PDE4D: variants seen among roughly 807,000 people sequenced by gnomAD.
The protein encoded by PDE4D is phosphodiesterase 4D.
In PDE4D, 24 loss-of-function variants were observed where a neutral mutation model predicts 87.4. The observed-to-expected ratio is 0.27, with a 90% CI of 0.20 to 0.39. The LOEUF (loss-of-function observed/expected upper bound fraction) is 0.39. Ranked by LOEUF, PDE4D falls within the 10% of genes least tolerant of loss-of-function variation. The pLI is 1.00. For synonymous variants in PDE4D, 384 were observed against 383.2 expected (o/e 1.00, Z -0.02); for missense variants, 714 against 1,041.0 (o/e 0.69, Z 4.32).
intron 1 of PDE4D, among the ~76,000 whole-genome samples, chr5:59,757,155 C>CA (rs1761369520): frequency 6.6e-6 from 1 of 152,114 alleles, no homozygotes; most frequent in Admixed American, 6.6e-5. Context: ...CAAACATGAA[C>CA]TAGAAGACAG....
At chr5:59,461,094 G>C (rs1480226315) in intron 1 of PDE4D, among the ~76,000 whole-genome samples, 1 of 152,072 alleles carries the variant, frequency 6.6e-6, no homozygotes, top group Non-Finnish European at 1.5e-5. Flanking sequence ...AAATATCTAA[G>C]AGTCCTCTTG....
intron 1 of PDE4D, among the ~76,000 whole-genome samples, chr5:60,371,157 A>G (rs576842310): frequency 6.6e-6 from 1 of 152,180 alleles, no homozygotes; most frequent in Non-Finnish European, 1.5e-5. Flanking sequence ...ATCAGGATCT[A>G]CTCTGTATCC....
chr5:59,317,036 C>T (rs535770207), intron 1 of PDE4D, among the ~76,000 whole-genome samples: 11 of 152,290 alleles, frequency 7.2e-5, no homozygotes, highest in South Asian at 4.1e-4. Context: ...TATAGGCAGG[C>T]ACTACATCCT....
At chr5:60,019,972 G>A (rs185405312) in intron 2 of PDE4D, among the ~76,000 whole-genome samples, 124 of 151,790 alleles carry the variant, frequency 8.2e-4, no homozygotes, top group Admixed American at 7.9e-4. Flanking sequence ...AGCTTTCAAC[G>A]TGCCTTCCTC....
intron 1 of PDE4D, among the ~76,000 whole-genome samples, chr5:60,297,931 A>C (rs1248204056): frequency 6.6e-6 from 1 of 152,226 alleles, no homozygotes; most frequent in Non-Finnish European, 1.5e-5. Context: ...GGATGTGATT[A>C]ACAAACTGCC....
chr5:60,495,945 T>C (rs181408346), intron 1 of PDE4D, among the ~76,000 whole-genome samples: 2 of 152,334 alleles, frequency 1.3e-5, no homozygotes, highest in African/African-American at 4.8e-5. Flanking sequence ...ACAGGGCTAT[T>C]TGTTTTGTTG....
rs567285423 is a variant in PDE4D, at chr5:59,208,030, G to A, written c.647+7747C>T. Among the ~76,000 whole-genome samples the A allele has an allele frequency of 2.4e-4, 36 of 151,708 alleles. 1 individual carries two copies. In the South Asian group the frequency reaches 6.6e-3, roughly 28 times the overall value. Reference sequence around the variant, plus strand: ...AAAAAAAACACAATCAGCCAGGCACGGTGGCAGGTACCTGTAATCCCAGCT... The same window carrying A: ...AAAAAAAACACAATCAGCCAGGCACAGTGGCAGGTACCTGTAATCCCAGCT... On this transcript the variant is annotated intron_variant, in intron 2 of 14. Coordinates refer to ENST00000340635, the MANE Select transcript of PDE4D (RefSeq NM_001104631.2).
intron 1 of PDE4D, among the ~76,000 whole-genome samples, chr5:59,237,293 T>C (rs1756651029): frequency 6.6e-6 from 1 of 152,206 alleles, no homozygotes; most frequent in Admixed American, 6.5e-5. Flanking sequence ...TCCCAGCTAT[T>C]TGAGGTTGGG....
intron 1 of PDE4D, among the ~76,000 whole-genome samples, chr5:59,814,998 G>T (rs977753339): frequency 1.5e-4 from 23 of 152,088 alleles, no homozygotes; most frequent in African/African-American, 5.1e-4. Flanking sequence ...CACAGAGTCT[G>T]GCTAATAACA....
intron 2 of PDE4D, among the ~76,000 whole-genome samples, chr5:59,205,142 C>T (rs911844858): frequency 9.2e-5 from 14 of 152,130 alleles, no homozygotes; most frequent in Non-Finnish European, 2.1e-4. Flanking sequence ...TGGTACTTGC[C>T]CAACAGAATG....
intron 1 of PDE4D, among the ~76,000 whole-genome samples, chr5:59,809,365 T>C (rs1434591086): frequency 6.6e-6 from 1 of 152,158 alleles, no homozygotes; most frequent in Non-Finnish European, 1.5e-5. Flanking sequence ...TCAAAATCAT[T>C]TGTTAGTTGT....
chr5:60,492,975 T>C (rs1047607241), upstream of PDE4D, among the ~76,000 whole-genome samples: 2 of 152,180 alleles, frequency 1.3e-5, no homozygotes, highest in African/African-American at 2.4e-5. Flanking sequence ...ATGTGTCTAC[T>C]AACATCACAT....
chr5:59,004,970 A>G (rs1751299982), intron 6 of PDE4D, among the ~76,000 whole-genome samples: 1 of 152,206 alleles, frequency 6.6e-6, no homozygotes, highest in African/African-American at 2.4e-5. Flanking sequence ...CCAGAAAAGT[A>G]TCTTATTATG....
At chr5:59,723,755 G>A (rs1019188839) in intron 1 of PDE4D, among the ~76,000 whole-genome samples, 1 of 152,128 alleles carries the variant, frequency 6.6e-6, no homozygotes, top group Non-Finnish European at 1.5e-5. Flanking sequence ...ACCCACGTAA[G>A]GAGTTGTCCA....
intron 1 of PDE4D, among the ~76,000 whole-genome samples, chr5:59,507,343 A>G (rs1409405858): frequency 6.6e-6 from 1 of 152,050 alleles, no homozygotes; most frequent in Non-Finnish European, 1.5e-5. Context: ...AACAAAACAA[A>G]ACAAAACAAA....
intron 2 of PDE4D, among the ~76,000 whole-genome samples, chr5:60,145,345 T>A (rs1420546455): frequency 6.6e-6 from 1 of 152,204 alleles, no homozygotes; most frequent in East Asian, 1.9e-4. Context: ...TGTATGTTTA[T>A]TTATGAGACC....
At chr5:59,410,650 T>C (rs913680922) in intron 1 of PDE4D, among the ~76,000 whole-genome samples, 1 of 152,072 alleles carries the variant, frequency 6.6e-6, no homozygotes, top group African/African-American at 2.4e-5. Flanking sequence ...GTTCCAACTA[T>C]GCTGTTGCAA....
chr5:59,298,387 A>AT (rs570110259), intron 1 of PDE4D, among the ~76,000 whole-genome samples: 154 of 152,240 alleles, frequency 1.0e-3, no homozygotes, highest in Middle Eastern at 3.4e-3. Flanking sequence ...AAGTGCTGGA[A>AT]TTACGGTGTG....
rs146536885 is a variant in PDE4D at position 59,947,411 on chromosome 5, C to T, written c.272+41077G>A. ...GACTAAAAATCTAGTGTGGGCGGCC[C>T]GGGGGAGGTAGCTCTCAGGAGCTAG... On this transcript the variant is annotated intron_variant, in intron 3 of 16. Coordinates refer to the PDE4D transcript ENST00000502484. Among the ~76,000 whole-genome samples, 65 of 152,042 alleles carry T rather than the reference C, an allele frequency of 4.3e-4. 1 individual carries two copies. The highest frequency in any genetic ancestry group is 3.7e-3 in the Admixed American group (56 of 15,262).
Sources: allele counts gnomAD v4.1 joint callset (sites outside exome capture counted in the v4.1 genomes callset), GRCh38; gene constraint gnomAD v4.1.1; transcripts MANE v1.5; gene names NCBI Gene and HGNC (gene_info 2026-07-23, HGNC 2026-07-21).